KCNH7: variants seen among roughly 807,000 people sequenced by gnomAD.
KCNH7 encodes potassium voltage-gated channel subfamily H member 7.
KCNH7 carries 49 observed loss-of-function variants against 120.8 expected under a neutral mutation model. That is an observed-to-expected ratio of 0.41 (90% CI 0.32 to 0.51). The LOEUF (loss-of-function observed/expected upper bound fraction) is 0.51, where lower values mean the gene tolerates loss of function less well. KCNH7 is among the 20% of genes least tolerant of loss of function. KCNH7 has a pLI of 0.38. For missense variants in KCNH7, 1,097 were observed against 1,446.6 expected (o/e 0.76, Z 3.92); for synonymous variants, 547 against 516.1 (o/e 1.06, Z -0.81).
chr2:162,519,205 T>A (rs1691431095), intron 3 of KCNH7, among the ~76,000 whole-genome samples: 1 of 151,854 alleles, frequency 6.6e-6, no homozygotes, highest in Admixed American at 6.6e-5. Flanking sequence ...ATACATTTAT[T>A]TTGACTCAGT....
Position 162,529,686 on chromosome 2 carries a change from C to G in KCNH7, c.463+7239G>C, listed in dbSNP as rs1227500239. Among the ~76,000 whole-genome samples, 3 of 151,860 alleles carry G rather than the reference C, an allele frequency of 2.0e-5. No homozygotes were observed. In the East Asian group the frequency reaches 5.9e-4, roughly 30 times the overall value. ...TTCTCCTCCATTTTTCACATATATT[C>G]TACATCATCAAGTATTACAGCTGAA... On this transcript the variant is annotated intron_variant, in intron 3 of 15. Transcript: ENST00000332142.
intron 4 of KCNH7, among the ~76,000 whole-genome samples, chr2:162,513,467 C>CTCCTTCCTTCCTTCCTTCCTTCCTTCCT (rs66776235): frequency 5.7e-5 from 6 of 104,704 alleles, no homozygotes; most frequent in East Asian, 7.5e-4. Flanking sequence ...CCTTCCCTCC[C>CTCCTTCCTTCCTTCCTTCCTTCCTTCCT]TCCTTCCTTC....
intron 2 of KCNH7, among the ~76,000 whole-genome samples, chr2:162,627,577 A>C (rs1683603915): frequency 6.6e-6 from 1 of 152,208 alleles, no homozygotes; most frequent in South Asian, 2.1e-4. Context: ...TCTTGAATGA[A>C]GTAAAAACTG....
intron 7 of KCNH7, 47 bp downstream of exon 7, chr2:162,445,971 T>C: frequency 1.4e-6 from 2 of 1,432,896 alleles, no homozygotes; most frequent in South Asian, 2.7e-5. Flanking sequence ...AGATTCACTT[T>C]TATAATTGCA....
At chr2:162,668,079 T>A (rs896146892) in intron 2 of KCNH7, among the ~76,000 whole-genome samples, 1 of 152,218 alleles carries the variant, frequency 6.6e-6, no homozygotes, top group African/African-American at 2.4e-5. Flanking sequence ...TCAAAATAAC[T>A]AAAAGCTCTT....
intron 6 of KCNH7, among the ~76,000 whole-genome samples, chr2:162,500,350 T>C (rs922219723): frequency 9.7e-5 from 7 of 72,220 alleles, no homozygotes; most frequent in Non-Finnish European, 1.7e-4. Flanking sequence ...ACATGTAATA[T>C]ATAGTATATA....
chr2:162,382,880 T>C (rs1686461343), intron 13 of KCNH7, among the ~76,000 whole-genome samples: 1 of 152,034 alleles, frequency 6.6e-6, no homozygotes, highest in Non-Finnish European at 1.5e-5. Context: ...TGATTGAAGC[T>C]ATATGATATC....
At chr2:162,597,217 C>A (rs1463881634) in intron 2 of KCNH7, among the ~76,000 whole-genome samples, 2 of 151,986 alleles carry the variant, frequency 1.3e-5, no homozygotes, top group African/African-American at 2.4e-5. Context: ...GAATTGAAAT[C>A]GATATACCGT....
chr2:162,498,316 CATTTA>C lies in KCNH7; in HGVS notation c.1128+6122_1128+6126del, dbSNP rs56162627. Among the ~76,000 whole-genome samples, 427 of 148,582 alleles carry C rather than the reference CATTTA, an allele frequency of 2.9e-3. 1 individual carries two copies. The highest frequency in any genetic ancestry group is 7.2e-3 in the African/African-American group (294 of 40,792). On this transcript the variant is annotated intron_variant, in intron 6 of 15. Coordinates refer to ENST00000332142, the MANE Select transcript of KCNH7 (RefSeq NM_033272.4). ...TTACTTTCATAATATGGCCTTGTAG[CATTTA>C]ATTTAATTTAATTTAATTTAATTTA...
intron 2 of KCNH7, among the ~76,000 whole-genome samples, chr2:162,684,998 C>T (rs1415768331): frequency 6.6e-6 from 1 of 152,098 alleles, no homozygotes. Flanking sequence ...CATATATATA[C>T]CATGGAATAC....
At chr2:162,449,209 T>G (rs1344552049) in intron 6 of KCNH7, among the ~76,000 whole-genome samples, 5 of 152,078 alleles carry the variant, frequency 3.3e-5, no homozygotes, top group Non-Finnish European at 7.4e-5. Flanking sequence ...AGGTCTAATG[T>G]GACTGGATAG....
intron 2 of KCNH7, among the ~76,000 whole-genome samples, chr2:162,588,878 T>C (rs1694110726): frequency 6.6e-6 from 1 of 152,048 alleles, no homozygotes; most frequent in South Asian, 2.1e-4. Context: ...AATAATGGTA[T>C]TGTCATTAAC....
At chr2:162,796,758 G>T (rs1267739525) in intron 2 of KCNH7, 3 of 151,978 alleles carry the variant, frequency 2.0e-5, no homozygotes, top group African/African-American at 4.8e-5. Flanking sequence ...CTAGAGAAAT[G>T]TAGCTACAAT....
chr2:162,662,689 C>T (rs564202176), intron 2 of KCNH7, among the ~76,000 whole-genome samples: 6 of 152,164 alleles, frequency 3.9e-5, no homozygotes, highest in African/African-American at 1.4e-4. Context: ...TTTCTTTGAT[C>T]TCAGTAAACT....
intron 2 of KCNH7, 23 bp from the exon 3 acceptor site, chr2:162,537,103 T>C (rs772447741): frequency 2.5e-6 from 4 of 1,571,868 alleles, no homozygotes; most frequent in Non-Finnish European, 2.6e-6. Flanking sequence ...AAAATGAATG[T>C]TAGTTAAAAA....
chr2:162,767,905 CA>C (rs1446428322), intron 2 of KCNH7, among the ~76,000 whole-genome samples: 2 of 152,112 alleles, frequency 1.3e-5, no homozygotes, highest in African/African-American at 4.8e-5. Context: ...TGTTGAATCA[CA>C]AGGCTATTTA....
rs1266562332 is a variant in KCNH7 at position 162,472,788 on chromosome 2, AT to A, written c.1129-26346del. 1.8e-4 allele frequency among the ~76,000 whole-genome samples: 27 copies of A among 152,242 alleles called. 1 individual carries two copies. The highest frequency in any genetic ancestry group is 1.8e-3 in the Admixed American group (27 of 15,290). On this transcript the variant is annotated intron_variant, in intron 6 of 15. Coordinates refer to ENST00000332142, the MANE Select transcript of KCNH7 (RefSeq NM_033272.4). Reference sequence around the variant, plus strand: ...CATGCTGCTATAAAGACACATGCACATGTATGTTTATTGTGGCACTATTCAC... The same window carrying A: ...CATGCTGCTATAAAGACACATGCACAGTATGTTTATTGTGGCACTATTCAC...
chr2:162,408,507 A>G (rs1192445409), intron 9 of KCNH7, among the ~76,000 whole-genome samples: 2 of 151,854 alleles, frequency 1.3e-5, no homozygotes, highest in African/African-American at 4.8e-5. Flanking sequence ...TGCTTCTAAC[A>G]CTCGAGTCAT....
At chr2:162,594,557 T>TA (rs145095115) in intron 2 of KCNH7, among the ~76,000 whole-genome samples, 6,686 of 151,924 alleles carry the variant, frequency 0.044, 303 homozygotes, top group East Asian at 0.11. Flanking sequence ...ATAACAGTCA[T>TA]AAAAAACACA....
Sources: allele counts gnomAD v4.1 joint callset (sites outside exome capture counted in the v4.1 genomes callset), GRCh38; gene constraint gnomAD v4.1.1; transcripts MANE v1.5; gene names NCBI Gene and HGNC (gene_info 2026-07-23, HGNC 2026-07-21).